ZFPM2: variants seen among roughly 807,000 people sequenced by gnomAD.
ZFPM2 encodes the protein zinc finger protein, FOG family member 2, also known as zinc finger protein ZFPM2.
A neutral mutation model predicts 98.6 loss-of-function variants in ZFPM2; 20 were observed. The observed-to-expected ratio is 0.20, with a 90% CI of 0.14 to 0.29. ZFPM2 has a LOEUF of 0.29. Ranked by LOEUF, ZFPM2 falls within the 10% of genes least tolerant of loss-of-function variation. The probability of loss-of-function intolerance (pLI) is 1.00; values close to 1 mark genes in which losing one functional copy is unlikely to be tolerated. For synonymous variants in ZFPM2, 518 were observed against 502.7 expected (o/e 1.03, Z -0.41); for missense variants, 1,310 against 1,388.6 (o/e 0.94, Z 0.90).
chr8:105,484,993 C>T (rs1318796356), intron 3 of ZFPM2, among the ~76,000 whole-genome samples: 1 of 152,170 alleles, frequency 6.6e-6, no homozygotes, highest in East Asian at 1.9e-4. Flanking sequence ...GACTAGTGGG[C>T]CAATGCTGAC....
intron 3 of ZFPM2, among the ~76,000 whole-genome samples, chr8:105,446,249 T>A (rs1812368080): frequency 6.6e-6 from 1 of 152,208 alleles, no homozygotes. Flanking sequence ...ATTAAGTATG[T>A]ATATGTTAAT....
intron 3 of ZFPM2, among the ~76,000 whole-genome samples, chr8:105,523,483 C>A (rs1814106461): frequency 6.6e-6 from 1 of 152,196 alleles, no homozygotes; most frequent in African/African-American, 2.4e-5. Context: ...ACCTCCCCAA[C>A]CAGTGAGTGG....
At chr8:105,571,643 C>G (rs1023225488) in intron 4 of ZFPM2, among the ~76,000 whole-genome samples, 1 of 152,116 alleles carries the variant, frequency 6.6e-6, no homozygotes, top group Non-Finnish European at 1.5e-5. Flanking sequence ...ATTGTGCCAG[C>G]ATTATGAGGA....
chr8:105,597,817 G>A (rs968939517), intron 4 of ZFPM2, among the ~76,000 whole-genome samples: 1 of 152,024 alleles, frequency 6.6e-6, no homozygotes, highest in Non-Finnish European at 1.5e-5. Flanking sequence ...ATTTGGGAAT[G>A]ATAGTGAATC....
chr8:105,431,156 C>T (rs1812012495), intron 2 of ZFPM2, among the ~76,000 whole-genome samples: 1 of 152,028 alleles, frequency 6.6e-6, no homozygotes, highest in Admixed American at 6.6e-5. Flanking sequence ...GACCCGCCCA[C>T]CTTGACTTCC....
intron 5 of ZFPM2, among the ~76,000 whole-genome samples, chr8:105,750,233 A>G (rs1257418523): frequency 2.0e-5 from 3 of 152,058 alleles, no homozygotes; most frequent in Non-Finnish European, 2.9e-5. Context: ...AAGAACTCAT[A>G]GATTCCAGAA....
chr8:105,521,703 G>T (rs763115392), intron 3 of ZFPM2, among the ~76,000 whole-genome samples: 1 of 151,904 alleles, frequency 6.6e-6, no homozygotes, highest in Non-Finnish European at 1.5e-5. Flanking sequence ...TCAGCCTCCC[G>T]ACTAGCTGGG....
At chr8:105,656,720 C>T (rs1245407646) in intron 5 of ZFPM2, among the ~76,000 whole-genome samples, 2 of 152,188 alleles carry the variant, frequency 1.3e-5, no homozygotes, top group Non-Finnish European at 2.9e-5. Flanking sequence ...AGCCTATTAT[C>T]ATGTTTGCTT....
intron 3 of ZFPM2, among the ~76,000 whole-genome samples, chr8:105,534,446 TCTTCCTTC>T (rs199507423): frequency 1.4e-5 from 2 of 141,252 alleles, no homozygotes; most frequent in South Asian, 4.7e-4. Context: ...TTCCTTCCTC[TCTTCCTTC>T]CTTCCTTCCT....
intron 4 of ZFPM2, among the ~76,000 whole-genome samples, chr8:105,584,502 GT>G (rs1815671487): frequency 6.6e-6 from 1 of 152,110 alleles, no homozygotes; most frequent in Non-Finnish European, 1.5e-5. Context: ...AAGTAGTCTG[GT>G]TTTGATGGAG....
chr8:105,457,334 A>T (rs532001894), intron 3 of ZFPM2, among the ~76,000 whole-genome samples: 24 of 152,282 alleles, frequency 1.6e-4, no homozygotes, highest in African/African-American at 5.8e-4. Flanking sequence ...TGCTTTCTAG[A>T]TTTTGCACTT....
At chr8:105,431,070 A>C (rs935215190) in intron 2 of ZFPM2, among the ~76,000 whole-genome samples, 9 of 150,388 alleles carry the variant, frequency 6.0e-5, no homozygotes, top group African/African-American at 2.2e-4. Context: ...TGCCTGGATA[A>C]TTTTTTTTTG....
chr8:105,419,145 G>A lies in ZFPM2; in HGVS notation c.42G>A (p.Arg14=). The A allele has an allele frequency of 6.2e-7, 1 of 1,610,254 alleles. No homozygotes were observed. The change falls in exon 2 of 8, where the codon CGG becomes CGA. Residue 14 remains arginine (R), a splice_region_variant and synonymous_variant. Coordinates refer to ENST00000407775, the MANE Select transcript of ZFPM2 (RefSeq NM_012082.4). ...CAGTTTCCCTGATTCTTTTTCAAGG[G>A]CCGCTTGAAGATGCCATTGAAGATG... The part of the protein sequence containing the change: ...RKQSKPRQIK[R]PLEDAIEDEE...
chr8:105,414,607 T>C (rs1256233139), intron 1 of ZFPM2, among the ~76,000 whole-genome samples: 7 of 147,734 alleles, frequency 4.7e-5, no homozygotes, highest in African/African-American at 7.5e-5. Flanking sequence ...CATCCCCCCC[T>C]TTTTTTTTTC....
intron 5 of ZFPM2, chr8:105,685,662 T>C (rs1358186421): frequency 6.6e-6 from 1 of 152,044 alleles, no homozygotes; most frequent in African/African-American, 2.4e-5. Context: ...TGAATCCGAG[T>C]GGAAAAAGCA....
intron 3 of ZFPM2, among the ~76,000 whole-genome samples, chr8:105,483,248 C>T (rs898615300): frequency 2.0e-5 from 3 of 152,032 alleles, no homozygotes; most frequent in Non-Finnish European, 4.4e-5. Flanking sequence ...TAAACAAAAA[C>T]TTTATTCAGC....
chr8:105,356,689 T>C (rs1812753556), intron 1 of ZFPM2, among the ~76,000 whole-genome samples: 1 of 152,196 alleles, frequency 6.6e-6, no homozygotes, highest in Non-Finnish European at 1.5e-5. Flanking sequence ...GCCTTTCTGG[T>C]CCATATTTAG....
intron 4 of ZFPM2, among the ~76,000 whole-genome samples, chr8:105,570,660 G>A (rs985916624): frequency 3.9e-5 from 6 of 152,246 alleles, no homozygotes; most frequent in Admixed American, 3.3e-4. Flanking sequence ...TGTATAGCTA[G>A]CCTGTTAACC....
At chr8:105,322,237 T>G (rs1485537885) in intron 1 of ZFPM2, among the ~76,000 whole-genome samples, 2 of 152,132 alleles carry the variant, frequency 1.3e-5, no homozygotes, top group Admixed American at 1.3e-4. Context: ...TTCTCCATTC[T>G]GGGGCTGCAG....
Sources: gnomAD v4.1 joint callset for allele counts (sites outside exome capture counted in the v4.1 genomes callset) on GRCh38, gnomAD v4.1.1 for gene constraint, MANE v1.5 for transcripts, NCBI Gene and HGNC (gene_info 2026-07-23, HGNC 2026-07-21) for gene names.